UBR1: variants seen among roughly 807,000 people sequenced by gnomAD.
UBR1 encodes ubiquitin protein ligase E3 component n-recognin 1, also known as E3 ubiquitin-protein ligase UBR1.
A neutral mutation model predicts 242.1 loss-of-function variants in UBR1; 102 were observed. The observed-to-expected ratio is 0.42, with a 90% CI of 0.36 to 0.50. The LOEUF is 0.50. Among genes scored for constraint, UBR1 ranks in the 20% least tolerant of loss-of-function variants. The pLI is 0.01. For synonymous variants in UBR1, 675 were observed against 684.8 expected (o/e 0.99, Z 0.22); for missense variants, 1,772 against 2,101.8 (o/e 0.84, Z 3.07).
chr15:43,099,187 A>G (rs1046771290), intron 1 of UBR1, among the ~76,000 whole-genome samples: 2 of 152,048 alleles, frequency 1.3e-5, no homozygotes, highest in Non-Finnish European at 2.9e-5. Flanking sequence ...AAATACAAAA[A>G]TTAGGTGGGC....
rs1273805874 is a variant in UBR1 at position 43,017,073 on chromosome 15, C to T, written c.3027+22G>A. 5.7e-6 allele frequency: 9 copies of T among 1,575,660 alleles called. No individual in the cohort carries two copies. In the Admixed American group the frequency reaches 8.3e-5, roughly 15 times the overall value. On this transcript the variant is annotated intron_variant, in intron 28 of 46. Transcript: ENST00000290650. The stretch of plus-strand genomic sequence containing the variant: ...ACAGAGATGAATGTCACCATTACTA[C>T]AGTGTTATTACAGTGTCATACCTCA...
At chr15:43,073,868 G>C (rs1208666208) in intron 4 of UBR1, among the ~76,000 whole-genome samples, 3 of 152,166 alleles carry the variant, frequency 2.0e-5, no homozygotes, top group Non-Finnish European at 4.4e-5. Flanking sequence ...CCTTATTGCT[G>C]TAAGAGCAGA....
intron 33 of UBR1, among the ~76,000 whole-genome samples, chr15:42,993,810 C>T (rs2032592657): frequency 1.3e-5 from 2 of 151,688 alleles, no homozygotes. Context: ...TGCACTCCAG[C>T]CTGGGGGGCA....
chr15:43,033,971 G>A (rs1030151449), intron 19 of UBR1, among the ~76,000 whole-genome samples: 1 of 152,096 alleles, frequency 6.6e-6, no homozygotes, highest in African/African-American at 2.4e-5. Flanking sequence ...CAGGTGTAGT[G>A]GCTCACGCCT....
In UBR1 at chr15:43,008,078, G is replaced by A. The variant is rs141070261; in HGVS notation, c.3210-794C>T. 1.2e-4 allele frequency among the ~76,000 whole-genome samples: 19 copies of A among 152,354 alleles called. No individual in the cohort carries two copies. In the East Asian group the frequency reaches 3.7e-3, roughly 29 times the overall value. ...AGGCACTGTTTCAAATACTTTACAT[G>A]TTTACTCAATCCTTACAATAATCCT... On this transcript the variant is annotated intron_variant, in intron 29 of 46. Coordinates refer to ENST00000290650, the MANE Select transcript of UBR1 (RefSeq NM_174916.3).
rs533698088 is a variant in UBR1 at position 43,014,736 on chromosome 15, T to G, written c.3209+952A>C. 6.3e-3 allele frequency among the ~76,000 whole-genome samples: 872 copies of G among 138,686 alleles called. 4 individuals carry two copies. Among genetic ancestry groups the G allele is most frequent in the Non-Finnish European group, 0.01 (640 of 63,212 alleles). 91.0% of individuals were successfully genotyped at this position (138,686 alleles called of 152,430 possible). ...CCCTCCGCCCGGCAGCCACCCCGTCTGGGAAGTGAGGACCGTCTCCGCCCG... is the reference window on the plus strand; with the variant it reads ...CCCTCCGCCCGGCAGCCACCCCGTCGGGGAAGTGAGGACCGTCTCCGCCCG... On this transcript the variant is annotated intron_variant, in intron 29 of 46. Coordinates refer to ENST00000290650, the MANE Select transcript of UBR1 (RefSeq NM_174916.3).
chr15:42,982,533 G>A (rs549217265), intron 37 of UBR1, among the ~76,000 whole-genome samples: 1 of 152,286 alleles, frequency 6.6e-6, no homozygotes, highest in East Asian at 1.9e-4. Flanking sequence ...AAGTTAATTT[G>A]AAAATATAAA....
intron 1 of UBR1, among the ~76,000 whole-genome samples, chr15:43,092,540 T>C (rs1425323298): frequency 7.2e-5 from 11 of 152,262 alleles, no homozygotes. Context: ...CATTAAGCCT[T>C]CTATAACTTT....
chr15:43,076,073 C>T (rs371652631), intron 3 of UBR1, among the ~76,000 whole-genome samples: 17 of 151,960 alleles, frequency 1.1e-4, no homozygotes, highest in South Asian at 2.1e-4. Flanking sequence ...GCAACCTCCC[C>T]GCCTGATTCT....
intron 23 of UBR1, chr15:43,026,240 A>G (rs997843099): frequency 3.7e-6 from 1 of 272,258 alleles, no homozygotes; most frequent in African/African-American, 2.3e-5. Context: ...TCACAAAACA[A>G]AAACAAAAAC....
In UBR1 at chr15:43,067,907, A is replaced by G; in HGVS notation, c.789T>C (p.Ile263=). Residue 263 remains isoleucine (I), a synonymous_variant, in exon 6 of 47, where the codon ATT becomes ATC. Transcript: ENST00000290650. The stretch of plus-strand genomic sequence containing the variant: ...AAAGGAGACCACAAACCTCTTTGTC[A>G]ATGGCAGTGGTATGCAACTGGGCCT... ...LAEAQLHTTA[I]DKEGRRAVKA... is the part of the protein sequence containing the mutation. 6.2e-7 allele frequency: 1 copy of G among 1,614,020 alleles called. No homozygotes were observed. Among genetic ancestry groups the G allele is most frequent in the South Asian group, 1.1e-5 (1 of 91,080 alleles).
intron 37 of UBR1, among the ~76,000 whole-genome samples, chr15:42,983,006 C>T (rs1165585552): frequency 6.6e-6 from 1 of 152,122 alleles, no homozygotes; most frequent in African/African-American, 2.4e-5. Context: ...CACTCTAATG[C>T]TGTGTAATGA....
At chr15:43,093,508 C>T (rs1396891771) in intron 1 of UBR1, among the ~76,000 whole-genome samples, 1 of 152,174 alleles carries the variant, frequency 6.6e-6, no homozygotes, top group African/African-American at 2.4e-5. Context: ...CAACCAGGCA[C>T]AATGGCTCAT....
Position 43,030,046 on chromosome 15 carries a change from C to A in UBR1, c.2277G>T (p.Val759=). The A allele has an allele frequency of 6.2e-7, 1 of 1,613,942 alleles. No individual in the cohort carries two copies. Among genetic ancestry groups the A allele is most frequent in the Non-Finnish European group, 8.5e-7 (1 of 1,179,944 alleles). The change falls in exon 21 of 47, where the codon GTG becomes GTT. Residue 759 remains valine (V), a synonymous_variant. Coordinates refer to ENST00000290650, the MANE Select transcript of UBR1 (RefSeq NM_174916.3). ...YIVGERYVPG[V]GNVTKEEVTM... ...TGACCTCTTCTTTGGTCACATTTCC[C>A]ACTCCAGGTACATAACGCTCACCTA...
Position 43,070,783 on chromosome 15 carries a change from A to G in UBR1, c.659+12T>C. On this transcript the variant is annotated intron_variant, in intron 5 of 46. Coordinates refer to ENST00000290650, the MANE Select transcript of UBR1 (RefSeq NM_174916.3). ...ATCACTAAAACTTGTTCCGTTTGAC[A>G]GTTTTCCCCACCTTATCTGGAGTTC... is the stretch of plus-strand genomic sequence containing the variant. The G allele has an allele frequency of 6.2e-7, 1 of 1,612,686 alleles. No homozygotes were observed.
intron 33 of UBR1, among the ~76,000 whole-genome samples, chr15:42,996,642 T>TA (rs1170684847): frequency 1.3e-5 from 2 of 152,112 alleles, no homozygotes; most frequent in African/African-American, 4.8e-5. Flanking sequence ...CTTTGTAACT[T>TA]AGACTATGGT....
At chr15:43,083,005 T>C (rs1483618233) in intron 2 of UBR1, among the ~76,000 whole-genome samples, 4 of 152,246 alleles carry the variant, frequency 2.6e-5, no homozygotes, top group African/African-American at 7.2e-5. Flanking sequence ...TAGATTACAA[T>C]TCAAAAATAG....
intron 29 of UBR1, chr15:43,011,967 C>CT (rs1297860445): frequency 8.9e-6 from 4 of 447,414 alleles, no homozygotes; most frequent in Non-Finnish European, 1.8e-5. Context: ...TGGCTCACGC[C>CT]TGTAATCCCA....
chr15:42,950,127 C>T lies in UBR1; in HGVS notation c.5108+135G>A, dbSNP rs149836490. The T allele has an allele frequency of 1.1e-3, 935 of 837,578 alleles. 2 individuals are homozygous for T. In the African/African-American group the frequency reaches 0.012, roughly 11 times the overall value. 51.9% of individuals were successfully genotyped at this position (837,578 alleles called of 1,614,324 possible). ...GTGCTAGGAATACAGGTATAAGCCA[C>T]GGTGTCTGGCCTCAATTACCTTTTG... On this transcript the variant is annotated intron_variant, in intron 46 of 46. Transcript: ENST00000290650.
Sources: allele counts gnomAD v4.1 joint callset (sites outside exome capture counted in the v4.1 genomes callset), GRCh38; gene constraint gnomAD v4.1.1; transcripts MANE v1.5; gene names NCBI Gene and HGNC (gene_info 2026-07-23, HGNC 2026-07-21).